SLC45A4: variants seen among roughly 807,000 people sequenced by gnomAD.
The protein encoded by SLC45A4 is polyamine-transporter SLC45A4.
A neutral mutation model predicts 63.7 loss-of-function variants in SLC45A4; 32 were observed. That is an observed-to-expected ratio of 0.50 (90% CI 0.38 to 0.67). SLC45A4 has a LOEUF of 0.67. Ranked by LOEUF, SLC45A4 falls within the 30% of genes least tolerant of loss-of-function variation. The pLI is 0.00. For missense variants in SLC45A4, 1,027 were observed against 1,157.7 expected (o/e 0.89, Z 1.64); for synonymous variants, 535 against 510.0 (o/e 1.05, Z -0.66).
chr8:141,280,774 G>A (rs142399242), intron 1 of SLC45A4, among the ~76,000 whole-genome samples: 52 of 152,334 alleles, frequency 3.4e-4, no homozygotes, highest in African/African-American at 1.2e-3. Context: ...AGCCTGACTC[G>A]CACAGGTAAC....
At chr8:141,219,171 G>C in intron 4 of SLC45A4, 142 bp from the exon 5 acceptor site, 2 of 988,366 alleles carry the variant, frequency 2.0e-6, no homozygotes, top group East Asian at 2.6e-5. Flanking sequence ...GAAAGCAGTA[G>C]GAAAACAAAA....
intron 1 of SLC45A4, among the ~76,000 whole-genome samples, chr8:141,299,791 C>T (rs548907180): frequency 6.6e-6 from 1 of 152,342 alleles, no homozygotes; most frequent in Admixed American, 6.5e-5. Context: ...GCAGCCAAAA[C>T]GTTTCTCAAA....
At position 141,281,687 on chromosome 8, in the gene SLC45A4, C is replaced by T. The variant is rs563193226; in HGVS notation, c.-401+26409G>A. Among the ~76,000 whole-genome samples the T allele has an allele frequency of 6.6e-5, 10 of 152,306 alleles. No homozygotes were observed. The South Asian group carries it at 2.1e-3, about 32-fold the overall frequency. On this transcript the variant is annotated intron_variant, in intron 1 of 8. Transcript: ENST00000517878. ...CTGAAAGAGACAAAAAACACAGGAC[C>T]ATCTAGCTGAAAAGCAGCAGCTACT...
At chr8:141,287,118 A>C (rs1474718656) in intron 1 of SLC45A4, among the ~76,000 whole-genome samples, 1 of 152,136 alleles carries the variant, frequency 6.6e-6, no homozygotes, top group East Asian at 1.9e-4. Flanking sequence ...GGTTCCTTCC[A>C]CTTCTACACG....
At chr8:141,255,558 A>C (rs1828733786) in intron 1 of SLC45A4, among the ~76,000 whole-genome samples, 1 of 152,202 alleles carries the variant, frequency 6.6e-6, no homozygotes, top group Non-Finnish European at 1.5e-5. Flanking sequence ...TCTACTAAAA[A>C]TACAAAAATT....
At chr8:141,281,958 T>G (rs1165969897) in intron 1 of SLC45A4, among the ~76,000 whole-genome samples, 1 of 151,544 alleles carries the variant, frequency 6.6e-6, no homozygotes, top group Non-Finnish European at 1.5e-5. Flanking sequence ...TGGTGGCTCC[T>G]GCCCCGAGCT....
At chr8:141,253,425 A>G (rs974138139) in intron 2 of SLC45A4, 2 of 201,348 alleles carry the variant, frequency 9.9e-6, no homozygotes, top group African/African-American at 4.8e-5. Context: ...TCTACTGTCC[A>G]CAATAACCTT....
At chr8:141,298,973 G>C (rs1238825696) in intron 1 of SLC45A4, among the ~76,000 whole-genome samples, 2 of 152,184 alleles carry the variant, frequency 1.3e-5, no homozygotes, top group Non-Finnish European at 2.9e-5. Flanking sequence ...GCCGTATCCG[G>C]TGGCTCCTCT....
At chr8:141,279,599 G>A (rs774819204) in intron 1 of SLC45A4, among the ~76,000 whole-genome samples, 1 of 152,206 alleles carries the variant, frequency 6.6e-6, no homozygotes, top group Admixed American at 6.5e-5. Flanking sequence ...CCGCATTCCC[G>A]AGAAGCCTGC....
intron 1 of SLC45A4, among the ~76,000 whole-genome samples, chr8:141,288,876 C>A (rs1830250907): frequency 6.6e-6 from 1 of 152,266 alleles, no homozygotes; most frequent in African/African-American, 2.4e-5. Flanking sequence ...GACTCCCCGT[C>A]CAAATGCAGA....
At chr8:141,267,553 G>A (rs556578342) in intron 1 of SLC45A4, among the ~76,000 whole-genome samples, 1 of 152,352 alleles carries the variant, frequency 6.6e-6, no homozygotes, top group Non-Finnish European at 1.5e-5. Context: ...TGCACATGAT[G>A]TGTTGGATTT....
At chr8:141,247,590 T>G (rs2154614577) in intron 2 of SLC45A4, among the ~76,000 whole-genome samples, 1 of 152,330 alleles carries the variant, frequency 6.6e-6, no homozygotes, top group South Asian at 2.1e-4. Context: ...TTCTTTTTCT[T>G]TTTTAGAAAC....
intron 1 of SLC45A4, among the ~76,000 whole-genome samples, chr8:141,275,603 C>T (rs529841903): frequency 6.6e-6 from 1 of 150,574 alleles, no homozygotes; most frequent in African/African-American, 2.4e-5. Context: ...AGTGAGACCC[C>T]TGTCTCAAAA....
At chr8:141,212,680 C>T (rs1030620307) in intron 7 of SLC45A4, 124 bp from the exon 8 acceptor site, 66 of 1,202,236 alleles carry the variant, frequency 5.5e-5, no homozygotes, top group Admixed American at 8.1e-5. Context: ...AGTCTCTTGG[C>T]AACCACTCCT....
Position 141,253,683 on chromosome 8 carries a change from C to T in SLC45A4, c.241+306G>A, listed in dbSNP as rs182006032. Among the ~76,000 whole-genome samples, 49 of 152,300 alleles carry T rather than the reference C, an allele frequency of 3.2e-4. 1 individual carries two copies. Among genetic ancestry groups the T allele is most frequent in the African/African-American group, 1.1e-3 (46 of 41,564 alleles). ...GTTCACTGTGGCCTGGCAGGGACAG[C>T]GGGAGAGGTGAGCCCCGGCCGAGAG... is the stretch of plus-strand genomic sequence containing the variant. On this transcript the variant is annotated intron_variant, in intron 2 of 8. Transcript: ENST00000517878.
intron 1 of SLC45A4, among the ~76,000 whole-genome samples, chr8:141,282,982 C>A (rs1830010271): frequency 6.6e-6 from 1 of 152,274 alleles, no homozygotes; most frequent in African/African-American, 2.4e-5. Context: ...TGCGGCAAAG[C>A]TGCAGACCGG....
In SLC45A4 at chr8:141,218,814, C is replaced by A. The variant is rs762702780; in HGVS notation, c.826G>T (p.Glu276Ter). Residue 276 changes from glutamate to a stop codon, truncating the protein, a stop_gained, in exon 5 of 9, where the codon GAG (glutamate) becomes TAG (stop). Transcript: ENST00000517878. LOFTEE classifies it high-confidence loss of function. The stretch of plus-strand genomic sequence containing the variant: ...GGGAAGGCAGGGACGCCGTGCGGCT[C>A]GCCCCCATCCAGGGCGCCGGGCTCC... ...AEEPGALDGGEPHGVPAFPDE... is the reference protein window; with the variant it reads ...AEEPGALDGG 6.2e-7 allele frequency: 1 copy of A among 1,612,988 alleles called. No homozygotes were observed. Among genetic ancestry groups the A allele is most frequent in the East Asian group, 2.2e-5 (1 of 44,876 alleles).
At chr8:141,296,876 A>AC (rs1830575070) in intron 1 of SLC45A4, among the ~76,000 whole-genome samples, 1 of 146,332 alleles carries the variant, frequency 6.8e-6, no homozygotes, top group Non-Finnish European at 1.5e-5. Flanking sequence ...AAAGACCCTC[A>AC]CGCCCTTTAT....
In SLC45A4 at chr8:141,212,355, T is replaced by A. The variant is rs753400578; in HGVS notation, c.2143A>T (p.Ile715Phe). The A allele has an allele frequency of 6.2e-7, 1 of 1,613,496 alleles. No homozygotes were observed. Among genetic ancestry groups the A allele is most frequent in the Admixed American group, 1.7e-5 (1 of 60,016 alleles). ...LGFLTATFLV[I>F]YPNVSEEAKE... ...GCCTCCTCTGACACGTTGGGATAGA[T>A]CACCAGGAATGTGGCCGTCAGGAAG... Residue 715 changes from isoleucine to phenylalanine, a missense_variant, in exon 8 of 9, where the codon ATC (isoleucine) becomes TTC (phenylalanine). Physicochemically the swap from Ile to Phe is conservative, Grantham distance 21 (BLOSUM62 0). Coordinates refer to ENST00000517878, the MANE Select transcript of SLC45A4 (RefSeq NM_001286646.2).
Sources: allele counts gnomAD v4.1 joint callset (sites outside exome capture counted in the v4.1 genomes callset), GRCh38; gene constraint gnomAD v4.1.1; transcripts MANE v1.5; gene names NCBI Gene and HGNC (gene_info 2026-07-23, HGNC 2026-07-21).